RNF216: variants seen among roughly 807,000 people sequenced by gnomAD.
RNF216 encodes E3 ubiquitin-protein ligase RNF216.
Under a neutral mutation model 110.8 loss-of-function variants are expected in RNF216, and 72 were observed. The ratio of observed to expected loss-of-function variants is 0.65; its 90% CI spans 0.54 to 0.79. The LOEUF (loss-of-function observed/expected upper bound fraction) is 0.79, where lower values mean the gene tolerates loss of function less well. Ranked by LOEUF, RNF216 falls within the 30% of genes least tolerant of loss-of-function variation. The pLI, the probability that RNF216 is intolerant of heterozygous loss-of-function variation, is 0.00. For synonymous variants in RNF216, 495 were observed against 407.5 expected, an observed-to-expected ratio of 1.21 and a Z score of -2.59; for missense variants, 1,342 against 1,141.2, an observed-to-expected ratio of 1.18 and a Z score of -2.54.
At chr7:5,767,016 G>A (rs1374402551) in intron 1 of RNF216, 1 of 152,164 alleles carries the variant, frequency 6.6e-6, no homozygotes, top group Non-Finnish European at 1.5e-5. Context: ...CACTTTACAT[G>A]CATAACACAG....
chr7:5,740,104 CTTTTTTTTTT>C (rs71004698), intron 4 of RNF216, among the ~76,000 whole-genome samples: 47 of 118,466 alleles, frequency 4.0e-4, no homozygotes, highest in African/African-American at 1.2e-3. Flanking sequence ...GATGTAACAC[CTTTTTTTTTT>C]TTTTTTTTTT....
At chr7:5,652,802 CAA>C (rs1788481259) in intron 13 of RNF216, among the ~76,000 whole-genome samples, 1 of 151,770 alleles carries the variant, frequency 6.6e-6, no homozygotes, top group African/African-American at 2.4e-5. Context: ...AAAAAAAAGA[CAA>C]AGAGTTGGGG....
chr7:5,766,236 G>A (rs1796202032), intron 1 of RNF216, among the ~76,000 whole-genome samples: 2 of 152,246 alleles, frequency 1.3e-5, no homozygotes, highest in East Asian at 3.9e-4. Context: ...GTTGCAGTGA[G>A]CCATGAGTGT....
intron 12 of RNF216, among the ~76,000 whole-genome samples, chr7:5,712,067 T>C (rs552161906): frequency 6.6e-6 from 1 of 152,318 alleles, no homozygotes; most frequent in South Asian, 2.1e-4. Flanking sequence ...AACCACTCAA[T>C]AAACACGTCC....
chr7:5,708,415 CAT>C (rs1276109125), intron 13 of RNF216, among the ~76,000 whole-genome samples: 2 of 152,152 alleles, frequency 1.3e-5, no homozygotes, highest in Non-Finnish European at 1.5e-5. Context: ...ATGTCGGGTG[CAT>C]ATACAGATGG....
At position 5,678,123 on chromosome 7, in the gene RNF216, GC is replaced by G. The variant is rs147652062; in HGVS notation, c.2062-25614del. On this transcript the variant is annotated intron_variant, in intron 13 of 16. Coordinates refer to ENST00000389902, the MANE Select transcript of RNF216 (RefSeq NM_207111.4). ...TGACGCCCCACTGTGGAGCCAAAGG[GC>G]CCCGGCTACATAAATTTGCCAATAC... 4.2e-3 allele frequency among the ~76,000 whole-genome samples: 636 copies of G among 152,168 alleles called. 1 individual carries two copies. The highest frequency in any genetic ancestry group is 0.014 in the African/African-American group (562 of 41,506).
chr7:5,741,273 C>T lies in RNF216; in HGVS notation c.744G>A (p.Gln248=), dbSNP rs764228194. The T allele has an allele frequency of 1.2e-6, 2 of 1,614,076 alleles. No individual in the cohort carries two copies. The highest frequency in any genetic ancestry group is 1.7e-6 in the Non-Finnish European group (2 of 1,179,982). ...LNQQPREITN[Q]VVPQERQPEA... The stretch of plus-strand genomic sequence containing the variant: ...CAGGCTGCCGTTCCTGAGGAACGAC[C>T]TGGTTTGTTATTTCACGGGGCTGTT... Residue 248 remains glutamine, a synonymous_variant, in exon 4 of 17, where the codon CAG becomes CAA. Transcript: ENST00000389902.
rs1240438751 is a variant in RNF216, at chr7:5,721,125, G to C, written c.1552C>G (p.Arg518Gly). 6.2e-7 allele frequency: 1 copy of C among 1,613,710 alleles called. No homozygotes were observed. The highest frequency in any genetic ancestry group is 8.5e-7 in the Non-Finnish European group (1 of 1,179,758). The change falls in exon 9 of 17, where the codon CGA becomes GGA. Residue 518 changes from arginine to glycine, a missense_variant. Coordinates refer to ENST00000389902, the MANE Select transcript of RNF216 (RefSeq NM_207111.4). ...KRMFFLENKR[R>G]HCRSYDRRAL... ...CGTCGGTCATAGGACCTACAATGTC[G>C]TCGCTTATTTTCAAGAAAGAACATC...
chr7:5,712,346 G>A (rs768106266), intron 12 of RNF216, among the ~76,000 whole-genome samples: 3 of 152,074 alleles, frequency 2.0e-5, no homozygotes, highest in Non-Finnish European at 2.9e-5. Context: ...GGTGGTGCAC[G>A]CCTGTAATCC....
intron 6 of RNF216, among the ~76,000 whole-genome samples, chr7:5,729,926 TG>T (rs1793989773): frequency 6.6e-6 from 1 of 152,160 alleles, no homozygotes; most frequent in Non-Finnish European, 1.5e-5. Flanking sequence ...AAAGAATCTA[TG>T]GGGAGTTGGA....
intron 14 of RNF216, among the ~76,000 whole-genome samples, chr7:5,650,309 G>C (rs2128575098): frequency 6.6e-6 from 1 of 152,292 alleles, no homozygotes; most frequent in South Asian, 2.1e-4. Context: ...GGTTTAAATA[G>C]GACCCAGTGG....
At chr7:5,648,816 A>G (rs1173365138) in intron 14 of RNF216, among the ~76,000 whole-genome samples, 1 of 152,148 alleles carries the variant, frequency 6.6e-6, no homozygotes, top group African/African-American at 2.4e-5. Flanking sequence ...CAACTCTAGA[A>G]GACATTCTAC....
intron 15 of RNF216, among the ~76,000 whole-genome samples, chr7:5,638,188 G>A (rs1462871431): frequency 2.0e-5 from 3 of 152,166 alleles, no homozygotes; most frequent in African/African-American, 7.2e-5. Flanking sequence ...GTTTGTTTTC[G>A]ATGTGAAAAT....
chr7:5,676,520 G>T (rs991548345), intron 13 of RNF216, among the ~76,000 whole-genome samples: 27 of 152,126 alleles, frequency 1.8e-4, no homozygotes, highest in African/African-American at 6.3e-4. Flanking sequence ...CAAGCCAGTG[G>T]CCTCTGCTTC....
At chr7:5,780,597 T>C (rs545510884) in intron 1 of RNF216, among the ~76,000 whole-genome samples, 2 of 151,668 alleles carry the variant, frequency 1.3e-5, no homozygotes, top group South Asian at 4.2e-4. Context: ...AGGCAATCCC[T>C]GTGAGGCTGA....
chr7:5,771,904 T>C (rs761647081), intron 1 of RNF216, among the ~76,000 whole-genome samples: 6 of 152,188 alleles, frequency 3.9e-5, no homozygotes, highest in South Asian at 2.1e-4. Context: ...AATGAAAAAG[T>C]GTCCAACATT....
intron 8 of RNF216, among the ~76,000 whole-genome samples, chr7:5,721,809 T>TAC (rs1320290806): frequency 1.3e-5 from 2 of 152,244 alleles, no homozygotes; most frequent in African/African-American, 4.8e-5. Context: ...GAAGGAACAG[T>TAC]ACCTAGATTC....
chr7:5,754,730 T>C (rs776800966), intron 2 of RNF216, among the ~76,000 whole-genome samples: 3 of 152,084 alleles, frequency 2.0e-5, no homozygotes, highest in Non-Finnish European at 2.9e-5. Context: ...GTGTACCCAA[T>C]GAAAAAGTTG....
chr7:5,655,167 A>G (rs921130441), intron 13 of RNF216, among the ~76,000 whole-genome samples: 2 of 152,180 alleles, frequency 1.3e-5, no homozygotes, highest in African/African-American at 4.8e-5. Flanking sequence ...GGGCAAAATG[A>G]CCTGGCCAGG....
Sources: allele counts gnomAD v4.1 joint callset (sites outside exome capture counted in the v4.1 genomes callset), GRCh38; gene constraint gnomAD v4.1.1; transcripts MANE v1.5; gene names NCBI Gene and HGNC (gene_info 2026-07-23, HGNC 2026-07-21).